Variants in SNTG2 observed in about 807,000 individuals in gnomAD.
The protein encoded by SNTG2 is syntrophin gamma 2.
SNTG2 carries 74 observed loss-of-function variants against 70.9 expected under a neutral mutation model. The ratio of observed to expected loss-of-function variants is 1.04; its 90% CI spans 0.86 to 1.27. The LOEUF is 1.27. Among genes scored for constraint, SNTG2 ranks in the 50% most tolerant of loss-of-function variants. SNTG2 has a pLI of 0.00. For missense variants in SNTG2, 717 were observed against 690.7 expected, an observed-to-expected ratio of 1.04 and a Z score of -0.43; for synonymous variants, 278 against 273.8, an observed-to-expected ratio of 1.02 and a Z score of -0.15.
chr2:1,263,132 A>G (rs1328412977), intron 13 of SNTG2, among the ~76,000 whole-genome samples: 1 of 152,212 alleles, frequency 6.6e-6, no homozygotes, highest in African/African-American at 2.4e-5. Flanking sequence ...AGAAGAGTCC[A>G]TTACAACACT....
intron 1 of SNTG2, among the ~76,000 whole-genome samples, chr2:1,021,773 G>A (rs999032944): frequency 6.6e-5 from 10 of 151,074 alleles, no homozygotes; most frequent in Non-Finnish European, 1.0e-4. Flanking sequence ...CACCATGCCC[G>A]GATTTATTAT....
intron 12 of SNTG2, among the ~76,000 whole-genome samples, chr2:1,254,942 G>A (rs536697423): frequency 2.6e-5 from 4 of 152,252 alleles, no homozygotes; most frequent in African/African-American, 4.8e-5. Flanking sequence ...ATCTCTCTCC[G>A]GACATGCAAA....
At chr2:1,325,023 G>A (rs1681702905) in intron 16 of SNTG2, among the ~76,000 whole-genome samples, 1 of 152,198 alleles carries the variant, frequency 6.6e-6, no homozygotes, top group East Asian at 1.9e-4. Context: ...AATCTTGTAA[G>A]GGAACCTTGT....
chr2:1,220,860 C>T (rs1331353577), intron 9 of SNTG2, among the ~76,000 whole-genome samples: 1 of 152,180 alleles, frequency 6.6e-6, no homozygotes, highest in Non-Finnish European at 1.5e-5. Context: ...CCCTGGGCCG[C>T]CCCCTCCACG....
intron 15 of SNTG2, among the ~76,000 whole-genome samples, 173 bp from the exon 16 acceptor site, chr2:1,316,092 A>G (rs928170035): frequency 1.3e-5 from 2 of 152,178 alleles, no homozygotes; most frequent in Non-Finnish European, 2.9e-5. Flanking sequence ...GTCAGTTTGC[A>G]AAGATTGAAG....
At chr2:1,270,987 A>C (rs1023719562) in intron 14 of SNTG2, among the ~76,000 whole-genome samples, 2 of 152,220 alleles carry the variant, frequency 1.3e-5, no homozygotes, top group African/African-American at 2.4e-5. Context: ...ATCTAAACTG[A>C]TGACATTCCT....
intron 1 of SNTG2, among the ~76,000 whole-genome samples, chr2:1,043,262 G>C (rs573658797): frequency 1.3e-5 from 2 of 151,992 alleles, no homozygotes; most frequent in South Asian, 4.2e-4. Flanking sequence ...CTATAATGGG[G>C]TTGTTTGTTT....
In SNTG2 at chr2:1,155,444, TAC is replaced by T. The variant is rs541318331; in HGVS notation, c.412-10095_412-10094del. On this transcript the variant is annotated intron_variant, in intron 6 of 16. Transcript: ENST00000308624. ...CACACGTGTACACACACCACATATG[TAC>T]ACACACACCAGACACAAGCATATTC... Among the ~76,000 whole-genome samples, 435 of 152,020 alleles carry T rather than the reference TAC, an allele frequency of 2.9e-3. 4 individuals carry two copies. Among genetic ancestry groups the T allele is most frequent in the African/African-American group, 1.0e-2 (412 of 41,390 alleles).
At chr2:1,202,315 G>A (rs1673325499) in intron 8 of SNTG2, among the ~76,000 whole-genome samples, 1 of 90,996 alleles carries the variant, frequency 1.1e-5, no homozygotes, top group Non-Finnish European at 2.3e-5. Context: ...AGTCAGTTGA[G>A]GTTTTTATAT....
intron 4 of SNTG2, among the ~76,000 whole-genome samples, chr2:1,125,241 G>C (rs1311614441): frequency 6.6e-6 from 1 of 152,154 alleles, no homozygotes; most frequent in Non-Finnish European, 1.5e-5. Flanking sequence ...CTGGCTGCTC[G>C]AGAGATTTCT....
intron 1 of SNTG2, among the ~76,000 whole-genome samples, chr2:1,075,348 T>G (rs1663849955): frequency 2.0e-5 from 3 of 152,176 alleles, no homozygotes; most frequent in African/African-American, 7.2e-5. Flanking sequence ...CCAGCAAGTC[T>G]CAGCCAAAGA....
intron 9 of SNTG2, among the ~76,000 whole-genome samples, chr2:1,215,077 A>T (rs1001744905): frequency 7.1e-6 from 1 of 141,574 alleles, no homozygotes; most frequent in Admixed American, 6.7e-5. Context: ...CATCCAAGGC[A>T]TGAATCCCAC....
rs141224638 is a variant in SNTG2 at position 1,157,995 on chromosome 2, C to T, written c.412-7553C>T. Among the ~76,000 whole-genome samples the T allele has an allele frequency of 3.4e-3, 521 of 152,286 alleles. 3 individuals carry two copies. Among genetic ancestry groups the T allele is most frequent in the African/African-American group, 6.8e-3 (281 of 41,558 alleles). On this transcript the variant is annotated intron_variant, in intron 6 of 16. Coordinates refer to ENST00000308624, the MANE Select transcript of SNTG2 (RefSeq NM_018968.4). The stretch of plus-strand genomic sequence containing the variant: ...GCATTTCAAAGTTACCTTGGCCGGC[C>T]GGCAGGTTTGGTACGGGGCATCCTG...
chr2:1,155,457 G>A (rs1225037219), intron 6 of SNTG2, among the ~76,000 whole-genome samples: 2 of 150,156 alleles, frequency 1.3e-5, no homozygotes, highest in African/African-American at 2.5e-5. Flanking sequence ...ACACACACCA[G>A]ACACAAGCAT....
chr2:1,143,890 C>CA (rs908368917), intron 6 of SNTG2, among the ~76,000 whole-genome samples: 86 of 144,822 alleles, frequency 5.9e-4, no homozygotes, highest in Middle Eastern at 3.6e-3. Context: ...AAACAACCCC[C>CA]CCCCAGAAAA....
intron 8 of SNTG2, among the ~76,000 whole-genome samples, chr2:1,205,569 A>G (rs1488198434): frequency 1.3e-5 from 2 of 152,180 alleles, no homozygotes; most frequent in Non-Finnish European, 2.9e-5. Flanking sequence ...GGACTGCAAC[A>G]ATCTGAATAC....
At chr2:1,092,976 T>C (rs1171550600) in intron 2 of SNTG2, among the ~76,000 whole-genome samples, 1 of 152,228 alleles carries the variant, frequency 6.6e-6, no homozygotes, top group Non-Finnish European at 1.5e-5. Context: ...GGATTGACTT[T>C]GAAAATAATT....
At chr2:1,336,510 A>T (rs1355436724) in intron 16 of SNTG2, among the ~76,000 whole-genome samples, 1 of 152,198 alleles carries the variant, frequency 6.6e-6, no homozygotes, top group Non-Finnish European at 1.5e-5. Context: ...ATGCCTTTGG[A>T]ATCATATCCA....
intron 14 of SNTG2, among the ~76,000 whole-genome samples, chr2:1,293,773 G>A (rs1464054327): frequency 6.6e-6 from 1 of 152,124 alleles, no homozygotes; most frequent in Non-Finnish European, 1.5e-5. Flanking sequence ...CGAGCATGTG[G>A]AGCGAACCTT....
Sources: allele counts gnomAD v4.1 joint callset (sites outside exome capture counted in the v4.1 genomes callset), GRCh38; gene constraint gnomAD v4.1.1; transcripts MANE v1.5; gene names NCBI Gene and HGNC (gene_info 2026-07-23, HGNC 2026-07-21).